WWOX: variants seen among roughly 807,000 people sequenced by gnomAD.
WWOX encodes the protein WW domain containing oxidoreductase, also known as WW domain-containing oxidoreductase.
A neutral mutation model predicts 46.2 loss-of-function variants in WWOX; 69 were observed. The observed-to-expected ratio is 1.49, with a 90% confidence interval of 1.23 to 1.82. The LOEUF is 1.82. Ranked by LOEUF, WWOX falls within the 40% of genes most tolerant of loss-of-function variation. The pLI, the probability that WWOX is intolerant of heterozygous loss-of-function variation, is 0.00. For missense variants in WWOX, 919 were observed against 542.6 expected (o/e 1.69, Z -6.89); for synonymous variants, 359 against 202.6 (o/e 1.77, Z -6.56).
chr16:78,774,536 G>A (rs957520868), intron 8 of WWOX, among the ~76,000 whole-genome samples: 5 of 150,368 alleles, frequency 3.3e-5, no homozygotes, highest in African/African-American at 4.9e-5. Flanking sequence ...GTGTGTGCGC[G>A]TGCGCACACG....
chr16:79,066,189 C>T (rs2048437948), intron 8 of WWOX, among the ~76,000 whole-genome samples: 1 of 152,198 alleles, frequency 6.6e-6, no homozygotes, highest in African/African-American at 2.4e-5. Context: ...CACTCCCCTC[C>T]CTCCACTGTT....
At chr16:78,787,251 A>G (rs748339420) in intron 8 of WWOX, among the ~76,000 whole-genome samples, 2 of 152,224 alleles carry the variant, frequency 1.3e-5, no homozygotes, top group Admixed American at 6.5e-5. Flanking sequence ...TCGTGCCACA[A>G]TCAGCAGCCA....
rs377186703 is a variant in WWOX, at chr16:78,783,203, C to T, written c.1056+350451C>T. Among the ~76,000 whole-genome samples the T allele has an allele frequency of 4.6e-5, 7 of 152,340 alleles. No individual in the cohort carries two copies. In the East Asian group the frequency reaches 1.2e-3, roughly 25 times the overall value. ...AATGGCTGCCTGATAATTGGAGATACATGCACCAGACTTGACTTAACTGTT... is the reference window on the plus strand; with the variant it reads ...AATGGCTGCCTGATAATTGGAGATATATGCACCAGACTTGACTTAACTGTT... On this transcript the variant is annotated intron_variant, in intron 8 of 8. Transcript: ENST00000566780.
At chr16:78,596,982 T>A (rs1255049367) in intron 8 of WWOX, among the ~76,000 whole-genome samples, 2 of 152,122 alleles carry the variant, frequency 1.3e-5, no homozygotes, top group African/African-American at 4.8e-5. Context: ...GCAGATGCAG[T>A]TTAAAGACAA....
At chr16:78,884,217 G>A (rs1363125120) in intron 8 of WWOX, among the ~76,000 whole-genome samples, 1 of 145,716 alleles carries the variant, frequency 6.9e-6, no homozygotes, top group Non-Finnish European at 1.5e-5. Context: ...AGGCTACAGT[G>A]AGCTGTGATT....
intron 8 of WWOX, among the ~76,000 whole-genome samples, chr16:78,524,338 C>G (rs892642053): frequency 6.6e-6 from 1 of 152,140 alleles, no homozygotes; most frequent in African/African-American, 2.4e-5. Context: ...TCTTCTCCCT[C>G]TCCATTAAAA....
chr16:79,121,813 C>T (rs779053707), intron 8 of WWOX, among the ~76,000 whole-genome samples: 2 of 152,078 alleles, frequency 1.3e-5, no homozygotes, highest in African/African-American at 4.8e-5. Flanking sequence ...CCACTCATCC[C>T]TAATAATAAA....
chr16:78,954,953 C>A (rs1285220537), intron 8 of WWOX, among the ~76,000 whole-genome samples: 1 of 152,212 alleles, frequency 6.6e-6, no homozygotes, highest in East Asian at 1.9e-4. Flanking sequence ...CCATGCCAGT[C>A]TAATTTTTAA....
intron 8 of WWOX, among the ~76,000 whole-genome samples, chr16:79,107,375 A>T (rs1019929171): frequency 6.6e-6 from 1 of 152,182 alleles, no homozygotes; most frequent in Non-Finnish European, 1.5e-5. Flanking sequence ...GGCACGAGTC[A>T]CCGCGCCCAG....
rs148673525 is a variant in WWOX, at chr16:78,746,127, G to A, written c.1056+313375G>A. Among the ~76,000 whole-genome samples, 64 of 152,282 alleles carry A rather than the reference G, an allele frequency of 4.2e-4. 1 individual carries two copies. In the East Asian group the frequency reaches 0.011, roughly 27 times the overall value. On this transcript the variant is annotated intron_variant, in intron 8 of 8. Coordinates refer to ENST00000566780, the MANE Select transcript of WWOX (RefSeq NM_016373.4). ...AGCATGTGATTTGTCCAAGGACATC[G>A]TTTTGATATGATGAACCATGGGTGG...
At chr16:78,538,193 T>A (rs191870288) in intron 8 of WWOX, among the ~76,000 whole-genome samples, 2 of 118,774 alleles carry the variant, frequency 1.7e-5, no homozygotes, top group East Asian at 5.6e-4. Context: ...TAGATTGTAA[T>A]CTTTAATTAA....
At chr16:78,876,470 C>CTT (rs5818185) in intron 8 of WWOX, among the ~76,000 whole-genome samples, 110 of 124,996 alleles carry the variant, frequency 8.8e-4, no homozygotes, top group African/African-American at 2.6e-3. Flanking sequence ...CTTGACTCTT[C>CTT]TTTTTTTTTT....
chr16:79,017,024 A>C (rs1466122308), intron 8 of WWOX: 1 of 152,164 alleles, frequency 6.6e-6, no homozygotes, highest in Non-Finnish European at 1.5e-5. Context: ...TTCAAAGCTT[A>C]ATTAGGAAGA....
chr16:78,428,616 C>G (rs113714240), intron 7 of WWOX, among the ~76,000 whole-genome samples: 2,136 of 152,268 alleles, frequency 0.014, 53 homozygotes, highest in African/African-American at 0.049. Flanking sequence ...GAAGAAATGA[C>G]TTTCTCCTCT....
intron 5 of WWOX, among the ~76,000 whole-genome samples, chr16:78,312,265 C>G (rs979486818): frequency 6.6e-6 from 1 of 152,090 alleles, no homozygotes; most frequent in Non-Finnish European, 1.5e-5. Context: ...TAATTGAATT[C>G]AGCTTTACAG....
chr16:78,123,878 G>A (rs1044563493), intron 4 of WWOX: 4 of 152,178 alleles, frequency 2.6e-5, no homozygotes, highest in African/African-American at 7.2e-5. Flanking sequence ...AGAAGAAAAC[G>A]TGTCCTTTTG....
intron 8 of WWOX, among the ~76,000 whole-genome samples, chr16:78,986,222 A>G (rs1415469880): frequency 6.6e-6 from 1 of 152,190 alleles, no homozygotes; most frequent in African/African-American, 2.4e-5. Context: ...GCAATTTTCC[A>G]CTGGGGATGA....
intron 8 of WWOX, among the ~76,000 whole-genome samples, chr16:78,517,207 G>C (rs567325348): frequency 6.6e-6 from 1 of 152,242 alleles, no homozygotes; most frequent in East Asian, 1.9e-4. Flanking sequence ...ATATCAAGGA[G>C]CTTATCATCT....
intron 6 of WWOX, among the ~76,000 whole-genome samples, chr16:78,414,980 A>G (rs1041848810): frequency 1.3e-5 from 2 of 151,964 alleles, no homozygotes; most frequent in Non-Finnish European, 2.9e-5. Flanking sequence ...AAGTAAAAGA[A>G]TAAAAGAATG....
Sources: gnomAD v4.1 joint callset for allele counts (sites outside exome capture counted in the v4.1 genomes callset) on GRCh38, gnomAD v4.1.1 for gene constraint, MANE v1.5 for transcripts, NCBI Gene and HGNC (gene_info 2026-07-23, HGNC 2026-07-21) for gene names.